The following AOPEP variants were observed in gnomAD, a reference collection of about 807,000 sequenced individuals.
The protein encoded by AOPEP is aminopeptidase O.
A neutral mutation model predicts 98.1 loss-of-function variants in AOPEP; 77 were observed. The observed-to-expected ratio is 0.78, with a 90% CI of 0.65 to 0.95. AOPEP has a LOEUF of 0.95. AOPEP is among the 40% of genes least tolerant of loss of function. AOPEP has a pLI of 0.00. For missense variants in AOPEP, 1,024 were observed against 1,024.7 expected, an observed-to-expected ratio of 1.00 and a Z score of 0.01; for synonymous variants, 346 against 365.3, an observed-to-expected ratio of 0.95 and a Z score of 0.60.
chr9:94,923,753 C>T (rs1354823512), intron 5 of AOPEP, among the ~76,000 whole-genome samples: 4 of 152,046 alleles, frequency 2.6e-5, no homozygotes, highest in African/African-American at 4.8e-5. Flanking sequence ...AGGTAATAGC[C>T]GTTTGATGAT....
Position 94,946,036 on chromosome 9 carries a change from C to A in AOPEP, c.1662-9141C>A, listed in dbSNP as rs569486804. On this transcript the variant is annotated intron_variant, in intron 7 of 16. Transcript: ENST00000375315. ...CTCAGCACATTGCACAGCTCTACCCCGCCCCAAACAGAACACTGTGAAAAG... is the reference window on the plus strand; with the variant it reads ...CTCAGCACATTGCACAGCTCTACCCAGCCCCAAACAGAACACTGTGAAAAG... Among the ~76,000 whole-genome samples the A allele has an allele frequency of 1.4e-4, 22 of 152,238 alleles. 1 individual carries two copies. In the South Asian group the frequency reaches 4.1e-3, roughly 29 times the overall value.
At chr9:95,018,983 T>C (rs1260502034) in intron 13 of AOPEP, 1 of 152,132 alleles carries the variant, frequency 6.6e-6, no homozygotes, top group African/African-American at 2.4e-5. Context: ...TTTGTTTTTT[T>C]CTCCTCCATG....
At chr9:95,126,621 A>G in the AOPEP span, 1 of 1,602,922 alleles carries the variant, frequency 6.2e-7, no homozygotes, top group Non-Finnish European at 8.5e-7. Flanking sequence ...AAATATCACA[A>G]GCACTTTCTC....
rs2059611780 is a variant in AOPEP, at chr9:94,972,803, G to A, written c.1916+5002G>A. Among the ~76,000 whole-genome samples the A allele has an allele frequency of 6.6e-6, 1 of 152,070 alleles. No individual in the cohort carries two copies. The highest frequency in any genetic ancestry group is 6.5e-5 in the Admixed American group (1 of 15,272). On this transcript the variant is annotated intron_variant, in intron 10 of 16. Transcript: ENST00000375315. The surrounding 1 kb of genome is among the most constrained non-coding windows in gnomAD (Gnocchi z 4.2). ...AAAATACAAAAAATTAGCCTGCATG[G>A]TGGTACGTGTCTGTAGTCTCAGCTA...
chr9:94,870,051 C>G (rs2046162881), intron 5 of AOPEP, among the ~76,000 whole-genome samples: 2 of 142,990 alleles, frequency 1.4e-5, no homozygotes, highest in South Asian at 4.4e-4. Context: ...TGCAATGGTG[C>G]GATCTCGGCT....
At chr9:94,922,889 G>C (rs138629941) in intron 5 of AOPEP, among the ~76,000 whole-genome samples, 1 of 152,384 alleles carries the variant, frequency 6.6e-6, no homozygotes, top group Non-Finnish European at 1.5e-5. Flanking sequence ...TGTTGTGTAA[G>C]GGAACTCGAG....
rs561766542 is a variant in AOPEP at position 94,946,432 on chromosome 9, T to G, written c.1662-8745T>G. Among the ~76,000 whole-genome samples the G allele has an allele frequency of 8.5e-5, 13 of 152,258 alleles. No individual in the cohort carries two copies. The South Asian group carries it at 2.7e-3, about 32-fold the overall frequency. ...CCTGAGCAGTTCCAGGATCCAGGTC[T>G]CATTGCACTAGCAAACAGCAGATTT... is the stretch of plus-strand genomic sequence containing the variant. On this transcript the variant is annotated intron_variant, in intron 7 of 16. Coordinates refer to ENST00000375315, the MANE Select transcript of AOPEP (RefSeq NM_001193329.3).
chr9:95,087,635 C>T (rs2134345627), downstream of AOPEP, among the ~76,000 whole-genome samples: 1 of 152,084 alleles, frequency 6.6e-6, no homozygotes, highest in East Asian at 1.9e-4. Flanking sequence ...TTTGGCTGCG[C>T]GTGGGGCACC....
chr9:94,781,624 G>T (rs1426231274), intron 3 of AOPEP, among the ~76,000 whole-genome samples: 4 of 150,408 alleles, frequency 2.7e-5, no homozygotes, highest in African/African-American at 9.8e-5. Flanking sequence ...GCAGTGGCAC[G>T]ATCTCCGCTC....
intron 8 of AOPEP, 37 bp from the exon 9 acceptor site, chr9:94,955,871 T>C (rs2058417359): frequency 7.0e-7 from 1 of 1,429,426 alleles, no homozygotes; most frequent in Admixed American, 1.8e-5. Context: ...GAACTCATGG[T>C]AGGCCTCTTT....
chr9:94,975,493 T>G (rs2059788206), intron 10 of AOPEP, among the ~76,000 whole-genome samples: 1 of 151,282 alleles, frequency 6.6e-6, no homozygotes, highest in African/African-American at 2.4e-5. Flanking sequence ...ACTAACCCTC[T>G]GAGTTGGCCG....
At chr9:94,894,734 TAGAC>T (rs2049274506) in intron 5 of AOPEP, among the ~76,000 whole-genome samples, 1 of 152,204 alleles carries the variant, frequency 6.6e-6, no homozygotes, top group Admixed American at 6.5e-5. Context: ...CCTGACAAGT[TAGAC>T]AGAACAATAA....
chr9:94,821,590 A>G (rs1314902202), intron 5 of AOPEP, among the ~76,000 whole-genome samples: 1 of 152,200 alleles, frequency 6.6e-6, no homozygotes, highest in African/African-American at 2.4e-5. Context: ...AGGCTCCTCA[A>G]GGAAGAGTGA....
At chr9:95,122,776 C>T in the AOPEP span, among the ~76,000 whole-genome samples, 7 of 152,130 alleles carry the variant, frequency 4.6e-5, no homozygotes, top group African/African-American at 1.4e-4. Flanking sequence ...AGGTGTGCTC[C>T]GCGAGGCCAC....
intron 7 of AOPEP, among the ~76,000 whole-genome samples, chr9:94,948,478 C>T (rs181859774): frequency 2.0e-5 from 3 of 151,246 alleles, no homozygotes; most frequent in Non-Finnish European, 2.9e-5. Context: ...TGTTCAATAA[C>T]GTCATCACAA....
chr9:94,949,210 C>A (rs1482633931), intron 7 of AOPEP, among the ~76,000 whole-genome samples: 2 of 152,198 alleles, frequency 1.3e-5, no homozygotes, highest in Non-Finnish European at 2.9e-5. Context: ...ATTTCTGATA[C>A]ATGGGCAATC....
intron 3 of AOPEP, among the ~76,000 whole-genome samples, chr9:94,782,070 G>T (rs1196262445): frequency 6.6e-6 from 1 of 151,594 alleles, no homozygotes; most frequent in African/African-American, 2.4e-5. Context: ...GCAGGCGCGT[G>T]TAATCCCAGC....
At position 94,854,395 on chromosome 9, in the gene AOPEP, A is replaced by G. The variant is rs73654302; in HGVS notation, c.1364+53393A>G. Reference sequence around the variant, plus strand: ...AACAGTGTCTCTAAAGGCCATTTCTATTATTTAGGTGGCTTTCTCAAATGA... The same window carrying G: ...AACAGTGTCTCTAAAGGCCATTTCTGTTATTTAGGTGGCTTTCTCAAATGA... On this transcript the variant is annotated intron_variant, in intron 5 of 16. Coordinates refer to ENST00000375315, the MANE Select transcript of AOPEP (RefSeq NM_001193329.3). Among the ~76,000 whole-genome samples the G allele has an allele frequency of 6.6e-3, 1,007 of 152,244 alleles. 8 individuals carry two copies. Among genetic ancestry groups the G allele is most frequent in the African/African-American group, 0.023 (969 of 41,550 alleles).
intron 13 of AOPEP, among the ~76,000 whole-genome samples, chr9:95,059,162 TACTTG>T (rs1442861719): frequency 6.6e-6 from 1 of 152,362 alleles, no homozygotes; most frequent in African/African-American, 2.4e-5. Flanking sequence ...ATGCTGCAAT[TACTTG>T]ACTTCTCATG....
Sources: allele counts gnomAD v4.1 joint callset (sites outside exome capture counted in the v4.1 genomes callset), GRCh38; gene constraint gnomAD v4.1.1; non-coding constraint Gnocchi (gnomAD v3.1); transcripts MANE v1.5; gene names NCBI Gene and HGNC (gene_info 2026-07-23, HGNC 2026-07-21).